The following LPIN1 variants were observed in gnomAD, a reference collection of about 807,000 sequenced individuals.
The protein encoded by LPIN1 is phosphatidate phosphatase LPIN1.
In LPIN1, 71 loss-of-function variants were observed where a neutral mutation model predicts 107.5. The ratio of observed to expected loss-of-function variants is 0.66; its 90% CI spans 0.55 to 0.80. The LOEUF is 0.80. LPIN1 is among the 30% of genes least tolerant of loss of function. The pLI, the probability that LPIN1 is intolerant of heterozygous loss-of-function variation, is 0.00. For synonymous variants in LPIN1, 445 were observed against 452.6 expected, an observed-to-expected ratio of 0.98 and a Z score of 0.21; for missense variants, 1,043 against 1,160.6, an observed-to-expected ratio of 0.90 and a Z score of 1.47.
intron 1 of LPIN1, among the ~76,000 whole-genome samples, chr2:11,728,688 A>G (rs1572432542): frequency 6.6e-6 from 1 of 151,906 alleles, no homozygotes; most frequent in East Asian, 1.9e-4. Flanking sequence ...GCTGTTTTAT[A>G]TTTGTGCTAT....
intron 2 of LPIN1, among the ~76,000 whole-genome samples, chr2:11,716,781 C>T (rs1192638132): frequency 6.6e-6 from 1 of 152,168 alleles, no homozygotes; most frequent in Non-Finnish European, 1.5e-5. Flanking sequence ...GAAATACACA[C>T]TCACCAACCC....
intron 1 of LPIN1, among the ~76,000 whole-genome samples, chr2:11,692,182 T>C (rs1662304084): frequency 6.6e-6 from 1 of 152,242 alleles, no homozygotes; most frequent in South Asian, 2.1e-4. Flanking sequence ...TGCTGGCATA[T>C]GTAAAGCAAA....
intron 1 of LPIN1, chr2:11,764,383 G>A (rs1266642743): frequency 6.6e-6 from 1 of 152,212 alleles, no homozygotes; most frequent in African/African-American, 2.4e-5. Context: ...CTGGGCTCAA[G>A]CCATGCACCT....
chr2:11,784,385 C>T (rs1674118194), intron 9 of LPIN1: 3 of 1,123,264 alleles, frequency 2.7e-6, no homozygotes, highest in Non-Finnish European at 3.3e-6. Flanking sequence ...GCTCTATGGA[C>T]ATAAGGGTGC....
At chr2:11,788,161 C>T (rs1433039798) in intron 11 of LPIN1, among the ~76,000 whole-genome samples, 1 of 152,082 alleles carries the variant, frequency 6.6e-6, no homozygotes, top group African/African-American at 2.4e-5. Flanking sequence ...AACTGTCTGC[C>T]CTGCTGGCAC....
rs1681117827 is a variant in LPIN1, at chr2:11,819,221, C to G, written c.2403-263C>G. 2.0e-5 allele frequency: 9 copies of G among 443,014 alleles called. 1 individual carries two copies. In the South Asian group the frequency reaches 2.4e-4, roughly 12 times the overall value. The allele number at this position is 443,014 out of a possible 1,614,324, so 27.4% of individuals were successfully genotyped here. The stretch of plus-strand genomic sequence containing the variant: ...AGATGTTCTTTTTTGTTTTTATGCT[C>G]TGTCATTCTTTGTTCCCTGGATGAC... On this transcript the variant is annotated intron_variant, in intron 18 of 20. Coordinates refer to ENST00000674199, the MANE Select transcript of LPIN1 (RefSeq NM_001349206.2).
intron 9 of LPIN1, 25 bp from the exon 10 acceptor site, chr2:11,784,861 T>G (rs753293783): frequency 1.2e-6 from 2 of 1,612,654 alleles, no homozygotes; most frequent in South Asian, 2.2e-5. Flanking sequence ...CCTCAGCCGG[T>G]CTCTGCCGCT....
intron 9 of LPIN1, 87 bp from the exon 10 acceptor site, chr2:11,784,799 C>G (rs570638704): frequency 4.7e-6 from 6 of 1,271,346 alleles, no homozygotes; most frequent in East Asian, 2.3e-5. Context: ...TGAGGGTGGC[C>G]GCGTGCCAGA....
rs756123255 is a variant in LPIN1 at position 11,771,468 on chromosome 2, A to G, written c.385A>G (p.Arg129Gly). Residue 129 changes from arginine to glycine, a missense_variant, in exon 4 of 21, where the codon AGA becomes GGA. Arg to Gly is a moderately radical substitution (Grantham distance 125, BLOSUM62 -2). Coordinates refer to ENST00000674199, the MANE Select transcript of LPIN1 (RefSeq NM_001349206.2). This position sits in a 1 kb window ranked among gnomAD's most constrained non-coding sequence, Gnocchi z 4.8. ...GAAAAGGGGCTCTGTGGACAGGATG[A>G]GAGGCCTGGACCCCAGCACGCCAGC... is the stretch of plus-strand genomic sequence containing the variant. ...QLKRGSVDRM[R>G]GLDPSTPAQV... 1.9e-6 allele frequency: 3 copies of G among 1,614,260 alleles called. No homozygotes were observed. Among genetic ancestry groups the G allele is most frequent in the Non-Finnish European group, 2.5e-6 (3 of 1,180,036 alleles).
chr2:11,740,477 TC>T (rs1468502759), intron 1 of LPIN1, among the ~76,000 whole-genome samples: 3 of 151,800 alleles, frequency 2.0e-5, no homozygotes, highest in Non-Finnish European at 4.4e-5. Context: ...GCTCAGGAGT[TC>T]CAGACAAGCC....
At chr2:11,723,386 A>G (rs6432236), upstream of LPIN1, 90,499 of 152,182 alleles carry the variant, frequency 0.59, 28,397 homozygotes, top group African/African-American at 0.81. Context: ...GGCTGGGTGC[A>G]GTGGCTCATG....
intron 1 of LPIN1, among the ~76,000 whole-genome samples, chr2:11,678,772 A>G (rs892748258): frequency 6.6e-6 from 1 of 152,144 alleles, no homozygotes; most frequent in Non-Finnish European, 1.5e-5. Flanking sequence ...CCACCTCTGC[A>G]CTGTTTTGCA....
intron 1 of LPIN1, among the ~76,000 whole-genome samples, chr2:11,760,552 A>G (rs1159748454): frequency 2.0e-5 from 3 of 152,190 alleles, no homozygotes; most frequent in African/African-American, 4.8e-5. Flanking sequence ...GTGGCGGCGC[A>G]CGCCTGCAAT....
intron 1 of LPIN1, among the ~76,000 whole-genome samples, chr2:11,760,211 C>T (rs1669559245): frequency 6.6e-6 from 1 of 151,878 alleles, no homozygotes; most frequent in Non-Finnish European, 1.5e-5. Flanking sequence ...GGCAGCCGGG[C>T]AGAGGGGCTC....
chr2:11,755,420 G>A (rs575972541), intron 1 of LPIN1, among the ~76,000 whole-genome samples: 162 of 152,294 alleles, frequency 1.1e-3, no homozygotes, highest in Non-Finnish European at 1.6e-3. Context: ...TGGGCCCTGC[G>A]ATGGGGCAGG....
intron 20 of LPIN1, among the ~76,000 whole-genome samples, chr2:11,822,448 T>TAA (rs879659668): frequency 1.5e-5 from 2 of 131,932 alleles, no homozygotes; most frequent in Admixed American, 1.5e-4. Flanking sequence ...AGACTCCATC[T>TAA]AAAAAAAAAA....
intron 1 of LPIN1, among the ~76,000 whole-genome samples, chr2:11,754,548 G>A (rs1668371713): frequency 6.6e-6 from 1 of 152,224 alleles, no homozygotes; most frequent in Non-Finnish European, 1.5e-5. Flanking sequence ...GTCAGGGAGT[G>A]GTGATGCTGC....
intron 14 of LPIN1, among the ~76,000 whole-genome samples, chr2:11,802,113 T>C (rs911710324): frequency 2.0e-5 from 3 of 151,968 alleles, no homozygotes; most frequent in Non-Finnish European, 4.4e-5. Context: ...GTGATTCATA[T>C]AGCATTGAGG....
At chr2:11,759,786 C>T (rs1437653230) in intron 1 of LPIN1, among the ~76,000 whole-genome samples, 2 of 148,366 alleles carry the variant, frequency 1.3e-5, no homozygotes, top group African/African-American at 5.0e-5. Flanking sequence ...ACCTCCCTCC[C>T]GGACGGGGCG....
Sources: allele counts gnomAD v4.1 joint callset (sites outside exome capture counted in the v4.1 genomes callset), GRCh38; gene constraint gnomAD v4.1.1; non-coding constraint Gnocchi (gnomAD v3.1); transcripts MANE v1.5; gene names NCBI Gene and HGNC (gene_info 2026-07-23, HGNC 2026-07-21).